The following KRT35 variants were observed in gnomAD, a reference collection of about 807,000 sequenced individuals.
KRT35 encodes keratin, type I cuticular Ha5.
A neutral mutation model predicts 42.2 loss-of-function variants in KRT35; 33 were observed. The observed-to-expected ratio is 0.78, with a 90% CI of 0.59 to 1.05. KRT35 has a LOEUF of 1.05. Among genes scored for constraint, KRT35 ranks in the 50% least tolerant of loss-of-function variants. The pLI, the probability that KRT35 is intolerant of heterozygous loss-of-function variation, is 0.00. For synonymous variants in KRT35, 218 were observed against 238.2 expected, an observed-to-expected ratio of 0.92 and a Z score of 0.78; for missense variants, 585 against 589.2, an observed-to-expected ratio of 0.99 and a Z score of 0.07.
chr17:41,478,289 G>T (rs1322753019), intron 5 of KRT35, 72 bp downstream of exon 5: 22 of 1,550,720 alleles, frequency 1.4e-5, no homozygotes, highest in Non-Finnish European at 1.8e-5. Context: ...TGTGGTCAAA[G>T]CATGGAAGCT....
Position 41,477,667 on chromosome 17 carries a change from G to T in KRT35, c.1071C>A (p.Cys357Ter). The change falls in exon 6 of 7, where the codon TGC becomes TGA. Residue 357 changes from cysteine (C) to a stop codon, truncating the protein, a stop_gained. Transcript: ENST00000246639. LOFTEE classifies it high-confidence loss of function. ...RYSSQLAQMQ[C>*]MITNVEAQLA... ...GCTGGGCCTCCACGTTGGTGATCATGCACTGCATCTGGGCCAGCTGGGAGC... is the reference window on the plus strand; with the variant it reads ...GCTGGGCCTCCACGTTGGTGATCATTCACTGCATCTGGGCCAGCTGGGAGC... 6.2e-7 allele frequency: 1 copy of T among 1,614,248 alleles called. No individual in the cohort carries two copies. Among genetic ancestry groups the T allele is most frequent in the Non-Finnish European group, 8.5e-7 (1 of 1,180,052 alleles).
At chr17:41,480,051 G>T (rs2019232501) in intron 1 of KRT35, among the ~76,000 whole-genome samples, 1 of 152,168 alleles carries the variant, frequency 6.6e-6, no homozygotes, top group Admixed American at 6.5e-5. Flanking sequence ...ATGAAATGAG[G>T]CTTCTTCCAA....
intron 6 of KRT35, 111 bp downstream of exon 6, chr17:41,477,407 G>C: frequency 1.4e-6 from 2 of 1,461,576 alleles, no homozygotes; most frequent in South Asian, 1.3e-5. Flanking sequence ...CCAGAACTAA[G>C]AGAACAGAAC....
chr17:41,478,581 A>G (rs146606146), intron 4 of KRT35, 95 bp from the exon 5 acceptor site: 2 of 1,429,284 alleles, frequency 1.4e-6, no homozygotes, highest in East Asian at 2.3e-5. Flanking sequence ...CAAGAAAGAC[A>G]TTCCCGATTC....
At chr17:41,477,486 G>A in intron 6 of KRT35, 32 bp downstream of exon 6, 1 of 1,609,960 alleles carries the variant, frequency 6.2e-7, no homozygotes, top group Non-Finnish European at 8.5e-7. Flanking sequence ...AGATTGCAGT[G>A]AGAAGACAAG....
chr17:41,480,690 C>G lies in KRT35; in HGVS notation c.408G>C (p.Gln136His), dbSNP rs1036097733. Residue 136 changes from glutamine to histidine, a missense_variant, in exon 1 of 7, where the codon CAG becomes CAC. Physicochemically the swap from Gln to His is conservative, Grantham distance 24. Coordinates refer to ENST00000246639, the MANE Select transcript of KRT35 (RefSeq NM_002280.6). ...GGTAGTCAGGGCACATGTAGGGGAC[C>G]TGCTGCTCACACCACTCACGGATGC... is the stretch of plus-strand genomic sequence containing the variant. ...ESRIREWCEQ[Q>H]VPYMCPDYQS... 1.9e-6 allele frequency: 3 copies of G among 1,614,226 alleles called. No homozygotes were observed. The Admixed American group carries it at 5.0e-5, about 27-fold the overall frequency.
At position 41,479,756 on chromosome 17, in the gene KRT35, G is replaced by A. The variant is rs764533839; in HGVS notation, c.497C>T (p.Ala166Val). Residue 166 changes from alanine (A) to valine (V), a missense_variant, in exon 2 of 7, where the codon GCC becomes GTC. Coordinates refer to ENST00000246639, the MANE Select transcript of KRT35 (RefSeq NM_002280.6). The stretch of plus-strand genomic sequence containing the variant: ...ATTGTCAATCTCCACCACCAGCCTG[G>A]CATTCTCAGCCTTGCTGCATAGAGT... The part of the protein sequence containing the change: ...KKTLCSKAEN[A>V]RLVVEIDNAK... The A allele has an allele frequency of 5.0e-6, 8 of 1,613,874 alleles. No homozygotes were observed. Among genetic ancestry groups the A allele is most frequent in the Admixed American group, 1.7e-5 (1 of 60,012 alleles).
intron 4 of KRT35, among the ~76,000 whole-genome samples, 172 bp from the exon 5 acceptor site, chr17:41,478,658 TG>T (rs1407002552): frequency 6.7e-6 from 1 of 148,570 alleles, no homozygotes; most frequent in Non-Finnish European, 1.5e-5. Flanking sequence ...CCTGCCCAAG[TG>T]GGTCTGTTTT....
Position 41,477,742 on chromosome 17 carries a change from T to C in KRT35, c.1000-4A>G. 6.2e-7 allele frequency: 1 copy of C among 1,613,054 alleles called. No homozygotes were observed. Among genetic ancestry groups the C allele is most frequent in the Non-Finnish European group, 8.5e-7 (1 of 1,179,342 alleles). On this transcript the variant is annotated splice_region_variant and splice_polypyrimidine_tract_variant and intron_variant, in intron 5 of 6. Transcript: ENST00000246639. ...GGGTGGATTCCAAAGCATCTCTCTGTGAGGGCAAGAGTTGTGTAGGGAGGA... is the reference window on the plus strand; with the variant it reads ...GGGTGGATTCCAAAGCATCTCTCTGCGAGGGCAAGAGTTGTGTAGGGAGGA...
chr17:41,478,064 T>C (rs529889524), intron 5 of KRT35, among the ~76,000 whole-genome samples: 1 of 152,306 alleles, frequency 6.6e-6, no homozygotes, highest in African/African-American at 2.4e-5. Context: ...CTAGAAAGTA[T>C]CTCCCTGTTA....
chr17:41,479,057 C>T (rs1290656573), intron 3 of KRT35, 62 bp from the exon 4 acceptor site: 4 of 1,512,260 alleles, frequency 2.6e-6, no homozygotes, highest in Non-Finnish European at 3.6e-6. Context: ...TTCACCTCCT[C>T]CTCATGTTCA....
Position 41,477,607 on chromosome 17 carries a change from G to A in KRT35, c.1131C>T (p.Asn377=). The A allele has an allele frequency of 1.2e-6, 2 of 1,614,238 alleles. No individual in the cohort carries two copies. The highest frequency in any genetic ancestry group is 2.7e-5 in the African/African-American group (2 of 75,066). Residue 377 remains asparagine (N), a synonymous_variant, in exon 6 of 7, where the codon AAC becomes AAT. Transcript: ENST00000246639. Reference sequence around the variant, plus strand: ...CGTCCAGCAGCACCTGGTACTCCTGGTTCTGCCGCTCCAGGTCAGCCCGGA... The same window carrying A: ...CGTCCAGCAGCACCTGGTACTCCTGATTCTGCCGCTCCAGGTCAGCCCGGA... ...AEIRADLERQ[N]QEYQVLLDVR...
chr17:41,480,443 T>C (rs1488139206), intron 1 of KRT35, among the ~76,000 whole-genome samples, 184 bp downstream of exon 1: 8 of 152,134 alleles, frequency 5.3e-5, no homozygotes, highest in Admixed American at 3.3e-4. Flanking sequence ...AGCCTGAATC[T>C]CAGTGTTCTC....
chr17:41,478,099 T>A (rs751377656), intron 5 of KRT35, among the ~76,000 whole-genome samples: 1 of 152,180 alleles, frequency 6.6e-6, no homozygotes, highest in Non-Finnish European at 1.5e-5. Flanking sequence ...TAACTGATAG[T>A]TACTCAGAAG....
intron 1 of KRT35, among the ~76,000 whole-genome samples, 164 bp from the exon 2 acceptor site, chr17:41,479,945 A>G (rs984621724): frequency 1.3e-5 from 2 of 152,164 alleles, no homozygotes; most frequent in African/African-American, 4.8e-5. Context: ...GGGATCAACT[A>G]TGGAAAGTCC....
rs558814923 is a variant in KRT35 at position 41,477,377 on chromosome 17, G to A, written c.1220+141C>T. The stretch of plus-strand genomic sequence containing the variant: ...AGGAAAGGGGGCTTGCTGGAGTCAC[G>A]TGATGAGTTTTCAGGAAGACCAGAA... On this transcript the variant is annotated intron_variant, in intron 6 of 6. Transcript: ENST00000246639. The A allele has an allele frequency of 1.2e-5, 16 of 1,339,068 alleles. No individual in the cohort carries two copies. In the South Asian group the frequency reaches 1.4e-4, roughly 12 times the overall value. The allele number at this position is 1,339,068 out of a possible 1,614,324, so 82.9% of individuals were successfully genotyped here.
chr17:41,479,472 C>T lies in KRT35; in HGVS notation c.586G>A (p.Val196Met). The T allele has an allele frequency of 1.2e-6, 2 of 1,614,144 alleles. No individual in the cohort carries two copies. Among genetic ancestry groups the T allele is most frequent in the Non-Finnish European group, 1.7e-6 (2 of 1,180,002 alleles). ...YETEVSLRQL[V>M]ESDINGLRRI... ...CGCAGGCCGTTGATGTCTGACTCCACCAGCTGCCGCAGGGACACCTCCGTC... is the reference window on the plus strand; with the variant it reads ...CGCAGGCCGTTGATGTCTGACTCCATCAGCTGCCGCAGGGACACCTCCGTC... The change falls in exon 3 of 7, where the codon GTG becomes ATG. Residue 196 changes from valine (V) to methionine (M), a missense_variant. By Grantham distance (21) the Val-to-Met change is conservative (BLOSUM62 1). Coordinates refer to ENST00000246639, the MANE Select transcript of KRT35 (RefSeq NM_002280.6).
chr17:41,478,804 C>T, intron 4 of KRT35, 30 bp downstream of exon 4: 1 of 1,602,040 alleles, frequency 6.2e-7, no homozygotes, highest in Non-Finnish European at 8.5e-7. Context: ...CCACATACCC[C>T]TGTTGCACTG....
rs200879656 is a variant in KRT35, at chr17:41,477,614, C to A, written c.1124G>T (p.Arg375Leu). Residue 375 changes from arginine (R) to leucine (L), a missense_variant, in exon 6 of 7, where the codon CGG becomes CTG. Transcript: ENST00000246639. ...CAGCACCTGGTACTCCTGGTTCTGC[C>A]GCTCCAGGTCAGCCCGGATCTCGGC... ...QLAEIRADLE[R>L]QNQEYQVLLD... The A allele has an allele frequency of 6.2e-7, 1 of 1,614,230 alleles. No individual in the cohort carries two copies. Among genetic ancestry groups the A allele is most frequent in the African/African-American group, 1.3e-5 (1 of 75,052 alleles).
Sources: allele counts gnomAD v4.1 joint callset (sites outside exome capture counted in the v4.1 genomes callset), GRCh38; gene constraint gnomAD v4.1.1; transcripts MANE v1.5; gene names NCBI Gene and HGNC (gene_info 2026-07-23, HGNC 2026-07-21).